The following CTNNA3 variants were observed in gnomAD, a reference collection of about 807,000 sequenced individuals.
The protein encoded by CTNNA3 is catenin alpha 3, also known as catenin alpha-3.
CTNNA3 carries 76 observed loss-of-function variants against 95.7 expected under a neutral mutation model. The observed-to-expected ratio is 0.79, with a 90% CI of 0.66 to 0.96. The LOEUF (loss-of-function observed/expected upper bound fraction) is 0.96. Among genes scored for constraint, CTNNA3 ranks in the 40% least tolerant of loss-of-function variants. CTNNA3 has a pLI of 0.00. For missense variants in CTNNA3, 1,191 were observed against 1,089.8 expected (o/e 1.09, Z -1.31); for synonymous variants, 431 against 374.4 (o/e 1.15, Z -1.74).
intron 10 of CTNNA3, among the ~76,000 whole-genome samples, chr10:66,580,734 A>C (rs913255266): frequency 6.6e-5 from 10 of 151,826 alleles, no homozygotes; most frequent in South Asian, 4.1e-4. Flanking sequence ...GCTTTGGCAG[A>C]GGAAGAAGAG....
At chr10:66,352,688 G>A (rs927095790) in intron 12 of CTNNA3, among the ~76,000 whole-genome samples, 3 of 152,076 alleles carry the variant, frequency 2.0e-5, no homozygotes, top group Non-Finnish European at 4.4e-5. Flanking sequence ...GTGCCATTGA[G>A]TTGTTTTAAC....
chr10:67,728,110 C>T lies in CTNNA3; in HGVS notation c.-2+35324G>A, dbSNP rs968700480. Among the ~76,000 whole-genome samples, 5 of 138,778 alleles carry T rather than the reference C, an allele frequency of 3.6e-5. No homozygotes were observed. The South Asian group carries it at 6.5e-4, about 18-fold the overall frequency. The allele number at this position is 138,778 out of a possible 152,430, so 91.0% of individuals were successfully genotyped here. On this transcript the variant is annotated intron_variant, in intron 1 of 17. Coordinates refer to the CTNNA3 transcript ENST00000684154. Reference sequence around the variant, plus strand: ...ATAATATGTAATATACATACATATACATAGGTGTATATATAACACATATAT... The same window carrying T: ...ATAATATGTAATATACATACATATATATAGGTGTATATATAACACATATAT...
At chr10:67,502,246 G>GT (rs1259766635) in intron 5 of CTNNA3, among the ~76,000 whole-genome samples, 1 of 152,124 alleles carries the variant, frequency 6.6e-6, no homozygotes, top group Non-Finnish European at 1.5e-5. Context: ...AGTGCTTCTG[G>GT]TGTTTGCTGG....
chr10:66,473,156 G>A (rs1191512617), intron 11 of CTNNA3, among the ~76,000 whole-genome samples: 1 of 151,862 alleles, frequency 6.6e-6, no homozygotes, highest in Non-Finnish European at 1.5e-5. Flanking sequence ...TTTCTTTGTG[G>A]TGAGAACATT....
At chr10:67,580,732 A>C (rs374997615) in intron 3 of CTNNA3, among the ~76,000 whole-genome samples, 4 of 150,684 alleles carry the variant, frequency 2.7e-5, no homozygotes, top group African/African-American at 7.4e-5. Flanking sequence ...CTTTTATTTC[A>C]TTGAGCAGTG....
At chr10:67,666,412 A>T (rs545935252) in intron 1 of CTNNA3, among the ~76,000 whole-genome samples, 1 of 152,312 alleles carries the variant, frequency 6.6e-6, no homozygotes, top group South Asian at 2.1e-4. Flanking sequence ...AGATTCAGAA[A>T]TTCTACTTAT....
chr10:67,203,479 G>A (rs1904644), intron 6 of CTNNA3, among the ~76,000 whole-genome samples: 2 of 151,994 alleles, frequency 1.3e-5, no homozygotes, highest in African/African-American at 4.8e-5. Flanking sequence ...AGACTAATAC[G>A]CCCTCCTACT....
At chr10:67,033,274 A>G (rs956271246) in intron 7 of CTNNA3, among the ~76,000 whole-genome samples, 5 of 152,182 alleles carry the variant, frequency 3.3e-5, no homozygotes, top group Non-Finnish European at 5.9e-5. Context: ...GGTGCTTTCC[A>G]GCATTCAAAA....
At chr10:67,468,077 C>T (rs1847670616) in intron 5 of CTNNA3, among the ~76,000 whole-genome samples, 1 of 150,602 alleles carries the variant, frequency 6.6e-6, no homozygotes, top group African/African-American at 2.4e-5. Flanking sequence ...GTTATTAATA[C>T]ATTGGTAAAC....
chr10:67,472,578 G>GA (rs1489641188), intron 5 of CTNNA3, among the ~76,000 whole-genome samples: 3 of 152,172 alleles, frequency 2.0e-5, no homozygotes, highest in Non-Finnish European at 4.4e-5. Flanking sequence ...GGATAGGGGA[G>GA]AAAACCACCG....
intron 1 of CTNNA3, among the ~76,000 whole-genome samples, chr10:67,755,802 C>CAAAAAAAA (rs201336788): frequency 2.7e-4 from 16 of 58,316 alleles, no homozygotes; most frequent in South Asian, 1.1e-3. Flanking sequence ...GTCTCTGCCT[C>CAAAAAAAA]AAAAAAAAAA....
intron 11 of CTNNA3, among the ~76,000 whole-genome samples, chr10:66,483,746 T>G (rs1319980112): frequency 6.6e-6 from 1 of 152,118 alleles, no homozygotes; most frequent in Non-Finnish European, 1.5e-5. Context: ...AATTTGTCCC[T>G]GAAATTACTC....
At chr10:66,106,962 C>G (rs963584017) in intron 13 of CTNNA3, among the ~76,000 whole-genome samples, 5 of 152,178 alleles carry the variant, frequency 3.3e-5, no homozygotes, top group African/African-American at 9.7e-5. Flanking sequence ...TTGTGCTAAA[C>G]AGGGTTTAAT....
chr10:66,883,520 A>C (rs970866912), intron 7 of CTNNA3, among the ~76,000 whole-genome samples: 1 of 152,144 alleles, frequency 6.6e-6, no homozygotes, highest in African/African-American at 2.4e-5. Flanking sequence ...CACCTGTTGC[A>C]CCTAAAATGC....
intron 13 of CTNNA3, among the ~76,000 whole-genome samples, chr10:66,171,189 G>T (rs2059761106): frequency 6.6e-6 from 1 of 151,760 alleles, no homozygotes; most frequent in African/African-American, 2.4e-5. Context: ...CATAATATGT[G>T]TAAGTCCTTG....
At chr10:67,331,242 T>C (rs1589174907) in intron 5 of CTNNA3, among the ~76,000 whole-genome samples, 1 of 152,282 alleles carries the variant, frequency 6.6e-6, no homozygotes, top group East Asian at 1.9e-4. Context: ...GCAAACTGTT[T>C]TTCTTCTTTT....
chr10:66,368,037 A>G lies in CTNNA3; in HGVS notation c.1732+11115T>C, dbSNP rs191248565. Among the ~76,000 whole-genome samples, 402 of 151,438 alleles carry G rather than the reference A, an allele frequency of 2.7e-3. 3 individuals are homozygous for G. Among genetic ancestry groups the G allele is most frequent in the Non-Finnish European group, 4.2e-3 (285 of 67,832 alleles). On this transcript the variant is annotated intron_variant, in intron 12 of 17. Coordinates refer to ENST00000433211, the MANE Select transcript of CTNNA3 (RefSeq NM_013266.4). ...TTCATTACATCTCTGGGTTAGAATCACTATTTCAGCATTCCATGTCGTCCT... is the reference window on the plus strand; with the variant it reads ...TTCATTACATCTCTGGGTTAGAATCGCTATTTCAGCATTCCATGTCGTCCT...
At chr10:66,470,648 G>C (rs1839093368) in intron 11 of CTNNA3, among the ~76,000 whole-genome samples, 1 of 151,760 alleles carries the variant, frequency 6.6e-6, no homozygotes, top group Admixed American at 6.6e-5. Context: ...ATATATTAGA[G>C]TTGGACAAGC....
chr10:66,906,471 T>G (rs1000210443), intron 7 of CTNNA3, among the ~76,000 whole-genome samples: 2 of 152,030 alleles, frequency 1.3e-5, no homozygotes, highest in East Asian at 3.9e-4. Flanking sequence ...AAGTGGAAAA[T>G]AGAAGAGAAA....
Sources: allele counts gnomAD v4.1 joint callset (sites outside exome capture counted in the v4.1 genomes callset), GRCh38; gene constraint gnomAD v4.1.1; transcripts MANE v1.5; gene names NCBI Gene and HGNC (gene_info 2026-07-23, HGNC 2026-07-21).